The following C12orf42 variants were observed in gnomAD, a reference collection of about 807,000 sequenced individuals.
C12orf42 encodes the protein uncharacterized protein C12orf42.
In C12orf42, 25 loss-of-function variants were observed where a neutral mutation model predicts 21.6. That is an observed-to-expected ratio of 1.16 (90% CI 0.84 to 1.62). C12orf42 has a LOEUF of 1.62. C12orf42 is among the 40% of genes most tolerant of loss of function. C12orf42 has a pLI of 0.00. For synonymous variants in C12orf42, 174 were observed against 175.0 expected, an observed-to-expected ratio of 0.99 and a Z score of 0.05; for missense variants, 483 against 459.3, an observed-to-expected ratio of 1.05 and a Z score of -0.47.
the C12orf42 span, among the ~76,000 whole-genome samples, chr12:103,522,498 T>C: frequency 2.6e-5 from 4 of 152,088 alleles, no homozygotes; most frequent in Non-Finnish European, 5.9e-5. Flanking sequence ...TCATCTCTCA[T>C]GGCTCTCCAG....
At chr12:103,146,576 G>GAATGAAAGAAAGAAAGAAAA in the C12orf42 span, among the ~76,000 whole-genome samples, 1 of 144,224 alleles carries the variant, frequency 6.9e-6, no homozygotes, top group African/African-American at 2.6e-5. Flanking sequence ...AAGAAAGAAA[G>GAATGAAAGAAAGAAAGAAAA]AAAGAAAGAA....
At chr12:103,412,187 A>G (rs909576213) in intron 2 of C12orf42, among the ~76,000 whole-genome samples, 6 of 152,266 alleles carry the variant, frequency 3.9e-5, no homozygotes, top group African/African-American at 1.4e-4. Context: ...CCTTGGAATC[A>G]GCACAAGTAA....
At position 103,432,583 on chromosome 12, in the gene C12orf42, C is replaced by T. The variant is rs188023584; in HGVS notation, c.79-30908G>A. 2.0e-3 allele frequency among the ~76,000 whole-genome samples: 304 copies of T among 152,300 alleles called. 2 individuals are homozygous for T. The highest frequency in any genetic ancestry group is 6.9e-3 in the African/African-American group (285 of 41,558). On this transcript the variant is annotated intron_variant, in intron 2 of 5. Transcript: ENST00000548883. ...AATGAGAGAGATAGTATGTAATGCT[C>T]TTACTGTATGTTATGGGCTGAATTG...
upstream of C12orf42, among the ~76,000 whole-genome samples, chr12:103,499,029 A>C (rs776602851): frequency 2.0e-5 from 3 of 152,022 alleles, no homozygotes; most frequent in Non-Finnish European, 4.4e-5. Flanking sequence ...AAATAAAAAT[A>C]AATTAAAAAA....
chr12:103,349,276 CAG>C (rs1199346163), intron 4 of C12orf42: 1 of 152,082 alleles, frequency 6.6e-6, no homozygotes, highest in Non-Finnish European at 1.5e-5. Context: ...TTGTACTTGA[CAG>C]AGTCTCGATA....
At chr12:103,357,576 T>C (rs1324390591) in intron 4 of C12orf42, among the ~76,000 whole-genome samples, 1 of 152,092 alleles carries the variant, frequency 6.6e-6, no homozygotes, top group Non-Finnish European at 1.5e-5. Context: ...ATTGCCATCA[T>C]ACTGGGCCTG....
chr12:103,306,208 G>A lies in C12orf42; in HGVS notation c.397C>T (p.Pro133Ser). 6.2e-7 allele frequency: 1 copy of A among 1,613,948 alleles called. No homozygotes were observed. Among genetic ancestry groups the A allele is most frequent in the Non-Finnish European group, 8.5e-7 (1 of 1,179,882 alleles). ...GGGGCCTCATCAGTTTCACTGGATG[G>A]TGCTGGAGAGGAACGGAATTCTTCA... The part of the protein sequence containing the change: ...SYEEFRSSPA[P>S]SSETDEAPLI... The change falls in exon 5 of 6, where the codon CCA becomes TCA. Residue 133 changes from proline (P) to serine (S), a missense_variant. Pro to Ser is a moderately conservative substitution (Grantham distance 74, BLOSUM62 -1). Transcript: ENST00000548883.
the C12orf42 span, among the ~76,000 whole-genome samples, chr12:103,220,634 A>G: frequency 6.6e-6 from 1 of 152,166 alleles, no homozygotes; most frequent in African/African-American, 2.4e-5. Context: ...TTAAAGAGAG[A>G]CAAAACACAC....
chr12:103,296,491 G>C (rs185901267), intron 4 of C12orf42, among the ~76,000 whole-genome samples: 1 of 152,130 alleles, frequency 6.6e-6, no homozygotes, highest in Non-Finnish European at 1.5e-5. Context: ...GTGTAAAAGC[G>C]TTCCTATTTC....
chr12:103,066,139 T>C, the C12orf42 span, among the ~76,000 whole-genome samples: 1 of 152,150 alleles, frequency 6.6e-6, no homozygotes, highest in Non-Finnish European at 1.5e-5. Flanking sequence ...GAGAGACAGC[T>C]CTTGGCCAAT....
intron 3 of C12orf42, 28 bp from the exon 4 acceptor site, chr12:103,369,026 C>A (rs1566171336): frequency 3.8e-6 from 5 of 1,327,274 alleles, no homozygotes; most frequent in Middle Eastern, 3.7e-4. Flanking sequence ...AAAATACACA[C>A]AAAAAAATTA....
the C12orf42 span, among the ~76,000 whole-genome samples, chr12:103,533,941 C>T: frequency 4.6e-5 from 7 of 152,176 alleles, no homozygotes; most frequent in Admixed American, 1.3e-4. Flanking sequence ...CTCTAAGCCT[C>T]GGTTTCCTCA....
chr12:103,063,335 C>A, the C12orf42 span, among the ~76,000 whole-genome samples: 1 of 152,202 alleles, frequency 6.6e-6, no homozygotes, highest in Non-Finnish European at 1.5e-5. Flanking sequence ...AACTGACTGA[C>A]CTGCAATGAA....
chr12:103,482,133 A>G (rs187009466), intron 1 of C12orf42, among the ~76,000 whole-genome samples: 2 of 152,226 alleles, frequency 1.3e-5, no homozygotes, highest in Admixed American at 1.3e-4. Flanking sequence ...TGATTTATGC[A>G]CATACTTATC....
the C12orf42 span, among the ~76,000 whole-genome samples, chr12:103,222,768 A>G: frequency 2.9e-4 from 44 of 151,864 alleles, no homozygotes; most frequent in Admixed American, 1.6e-3. Context: ...AATTTCTCCT[A>G]TCTCTGTATG....
At chr12:103,367,094 T>C (rs1339413735) in intron 4 of C12orf42, among the ~76,000 whole-genome samples, 1 of 151,816 alleles carries the variant, frequency 6.6e-6, no homozygotes, top group Non-Finnish European at 1.5e-5. Context: ...GATATATATA[T>C]GATGGAATAC....
rs558438742 is a variant in C12orf42, at chr12:103,390,378, C to T, written c.147+11229G>A. Among the ~76,000 whole-genome samples, 10 of 152,252 alleles carry T rather than the reference C, an allele frequency of 6.6e-5. No individual in the cohort carries two copies. The South Asian group carries it at 2.1e-3, about 32-fold the overall frequency. ...GGATATTACGTACATACACAATGCT[C>T]AATAATCATCACCACTATTTCCAGA... On this transcript the variant is annotated intron_variant, in intron 3 of 5. Transcript: ENST00000548883.
At chr12:103,224,947 A>G in the C12orf42 span, among the ~76,000 whole-genome samples, 2 of 152,142 alleles carry the variant, frequency 1.3e-5, no homozygotes, top group Admixed American at 6.5e-5. Flanking sequence ...TCAGCAGGGA[A>G]AGCACGTACG....
chr12:103,176,442 A>G, the C12orf42 span, among the ~76,000 whole-genome samples: 2 of 152,186 alleles, frequency 1.3e-5, no homozygotes, highest in South Asian at 4.1e-4. Flanking sequence ...TATAAATGAG[A>G]TAATAATGCA....
Sources: gnomAD v4.1 joint callset for allele counts (sites outside exome capture counted in the v4.1 genomes callset) on GRCh38, gnomAD v4.1.1 for gene constraint, MANE v1.5 for transcripts, NCBI Gene and HGNC (gene_info 2026-07-23, HGNC 2026-07-21) for gene names.